The following TRAF7 variants were observed in gnomAD, a reference collection of about 807,000 sequenced individuals.
TRAF7 encodes the protein TNF receptor associated factor 7, also known as E3 ubiquitin-protein ligase TRAF7.
In TRAF7, 45 loss-of-function variants were observed where a neutral mutation model predicts 89.3. The observed-to-expected ratio is 0.50, with a 90% confidence interval of 0.40 to 0.65. The LOEUF is 0.65. TRAF7 is among the 30% of genes least tolerant of loss of function. TRAF7 has a pLI of 0.00. For missense variants in TRAF7, 677 were observed against 918.1 expected (o/e 0.74, Z 3.39); for synonymous variants, 406 against 369.2 (o/e 1.10, Z -1.14).
chr16:2,171,462 T>C (rs1293491382), intron 6 of TRAF7, 106 bp downstream of exon 6: 26 of 1,562,974 alleles, frequency 1.7e-5, no homozygotes, highest in South Asian at 2.3e-5. Context: ...TCAAGGCCTG[T>C]CCTGGCTGCA....
rs771393905 is a variant in TRAF7, at chr16:2,173,269, G to A, written c.882G>A (p.Thr294=). ...GCCTGAAGGAGTTTCTGCAGCAGAC[G>A]GATGACCGCTTCCACGAGATGCACG... ...FEGLKEFLQQ[T]DDRFHEMHVA... is the part of the protein sequence containing the mutation. The change falls in exon 10 of 21, where the codon ACG becomes ACA. Residue 294 remains threonine, a synonymous_variant. Transcript: ENST00000326181. 1.1e-5 allele frequency: 18 copies of A among 1,613,452 alleles called. No individual in the cohort carries two copies. Among genetic ancestry groups the A allele is most frequent in the East Asian group, 2.2e-5 (1 of 44,880 alleles).
At chr16:2,173,693 C>T in intron 11 of TRAF7, 95 bp from the exon 12 acceptor site, 2 of 1,579,248 alleles carry the variant, frequency 1.3e-6, no homozygotes, top group Non-Finnish European at 1.7e-6. Flanking sequence ...GTCACCCCTG[C>T]CCACCCCTGG....
rs377612283 is a variant in TRAF7 at position 2,172,185 on chromosome 16, T to C, written c.476-6T>C. ...CCGTGAGGGTCAGCACGCCCTCCTCTCCCAGAGAAGTGTCCCGTGGACAAC... is the reference window on the plus strand; with the variant it reads ...CCGTGAGGGTCAGCACGCCCTCCTCCCCCAGAGAAGTGTCCCGTGGACAAC... On this transcript the variant is annotated splice_region_variant and splice_polypyrimidine_tract_variant and intron_variant, in intron 7 of 20. Transcript: ENST00000326181. 6 of 1,612,784 alleles carry C rather than the reference T, an allele frequency of 3.7e-6. No individual in the cohort carries two copies. Among genetic ancestry groups the C allele is most frequent in the Non-Finnish European group, 5.1e-6 (6 of 1,179,926 alleles).
chr16:2,162,546 C>CCTGGGA lies in TRAF7; in HGVS notation c.-38-1327_-38-1322dup, dbSNP rs2093062070. ...GCAGAGACCAGCTCCGCCACTTTGG[C>CCTGGGA]CTGGGACTGGGACTGTCCTGCTCCT... On this transcript the variant is annotated intron_variant, in intron 1 of 20. Transcript: ENST00000326181. The surrounding 1 kb of genome is among the most constrained non-coding windows in gnomAD (Gnocchi z 5.0). Among the ~76,000 whole-genome samples the CCTGGGA allele has an allele frequency of 6.6e-6, 1 of 152,214 alleles. No individual in the cohort carries two copies. The highest frequency in any genetic ancestry group is 2.1e-4 in the South Asian group (1 of 4,834).
chr16:2,164,126 TGGGGG>T, intron 2 of TRAF7, 125 bp downstream of exon 2: 4 of 519,906 alleles, frequency 7.7e-6, no homozygotes, highest in Non-Finnish European at 1.2e-5. Context: ...GGGAGCTCGG[TGGGGG>T]GGGGTGTGGT....
chr16:2,170,745 C>T lies in TRAF7; in HGVS notation c.348+15C>T. The T allele has an allele frequency of 1.3e-6, 2 of 1,586,706 alleles. No homozygotes were observed. The highest frequency in any genetic ancestry group is 1.7e-6 in the Non-Finnish European group (2 of 1,166,694). On this transcript the variant is annotated intron_variant, in intron 5 of 20. Transcript: ENST00000326181. ...AGGAGGAGCCGGTAGGTGTGGGGGA[C>T]TCGGCGCAGAGCGGCTTCCAGGGCT...
Position 2,163,125 on chromosome 16 carries a change from G to T in TRAF7, c.-38-758G>T, listed in dbSNP as rs773612892. Among the ~76,000 whole-genome samples, 4 of 152,128 alleles carry T rather than the reference G, an allele frequency of 2.6e-5. No homozygotes were observed. The highest frequency in any genetic ancestry group is 5.9e-5 in the Non-Finnish European group (4 of 68,008). On this transcript the variant is annotated intron_variant, in intron 1 of 20. Transcript: ENST00000326181. This position sits in a 1 kb window ranked among gnomAD's most constrained non-coding sequence, Gnocchi z 4.3. ...CCAGCACTCCCAGCACCCACGGAGG[G>T]GCCACGTCTCCCCCAGGCCCACCAG...
In TRAF7 at chr16:2,159,849, G is replaced by A. The variant is rs1460828069; in HGVS notation, c.-39+3991G>A. Among the ~76,000 whole-genome samples, 2 of 152,246 alleles carry A rather than the reference G, an allele frequency of 1.3e-5. No individual in the cohort carries two copies. The highest frequency in any genetic ancestry group is 6.5e-5 in the Admixed American group (1 of 15,292). On this transcript the variant is annotated intron_variant, in intron 1 of 20. Transcript: ENST00000326181. This position sits in a 1 kb window ranked among gnomAD's most constrained non-coding sequence, Gnocchi z 6.5. The stretch of plus-strand genomic sequence containing the variant: ...AGGCCGGGCCTGGCCCGAGCAGGGA[G>A]CTGCATCTGGAAGCCCCCATCTCCC...
In TRAF7 at chr16:2,176,702, C is replaced by G; in HGVS notation, c.*128C>G. 1 of 1,381,112 alleles carries G rather than the reference C, an allele frequency of 7.2e-7. No individual in the cohort carries two copies. The allele number at this position is 1,381,112 out of a possible 1,614,324, so 85.6% of individuals were successfully genotyped here. ...GCATAGGTGGACAGGCTCTGGCAGC[C>G]GGGCAGTGCCCTCCCCGTCCCATGC... is the stretch of plus-strand genomic sequence containing the variant. On this transcript the variant is annotated 3_prime_UTR_variant, in exon 21 of 21. Coordinates refer to ENST00000326181, the MANE Select transcript of TRAF7 (RefSeq NM_032271.3).
At position 2,163,762 on chromosome 16, in the gene TRAF7, GA is replaced by G. The variant is rs1244047772; in HGVS notation, c.-38-119del. ...CCTGCCTGAGCCGGGGCTGGTGGTG[GA>G]AGGCTGCTGCGGCGGCCCCACGGTG... On this transcript the variant is annotated intron_variant, in intron 1 of 20. Coordinates refer to ENST00000326181, the MANE Select transcript of TRAF7 (RefSeq NM_032271.3). The surrounding 1 kb of genome is among the most constrained non-coding windows in gnomAD (Gnocchi z 4.3). 2.9e-6 allele frequency: 2 copies of G among 686,912 alleles called. No individual in the cohort carries two copies. Among genetic ancestry groups the G allele is most frequent in the Non-Finnish European group, 5.1e-6 (2 of 389,156 alleles). 42.6% of individuals were successfully genotyped at this position (686,912 alleles called of 1,614,324 possible). A position where few individuals can be genotyped will look rare whatever the true frequency, so the allele number is the denominator to read the frequency against.
At position 2,177,773 on chromosome 16, in the gene TRAF7, G is replaced by C. The variant is rs2093146102; in HGVS notation, c.*1199G>C. 1 of 245,192 alleles carries C rather than the reference G, an allele frequency of 4.1e-6. No individual in the cohort carries two copies. Among genetic ancestry groups the C allele is most frequent in the Non-Finnish European group, 8.0e-6 (1 of 124,424 alleles). 15.2% of individuals were successfully genotyped at this position (245,192 alleles called of 1,614,324 possible). A position where few individuals can be genotyped will look rare whatever the true frequency, so the allele number is the denominator to read the frequency against. On this transcript the variant is annotated 3_prime_UTR_variant, in exon 21 of 21. Transcript: ENST00000326181. ...CTGGGACGCAGCCACGCCAGGAGGA[G>C]GACACGGCCGCCGAGAGCAAGGCAC...
chr16:2,160,445 G>T (rs1342392788), intron 1 of TRAF7, among the ~76,000 whole-genome samples: 1 of 149,144 alleles, frequency 6.7e-6, no homozygotes, highest in Non-Finnish European at 1.5e-5. Flanking sequence ...GGCAGGTGGT[G>T]TGGACAGGCA....
chr16:2,177,428 T>C lies in TRAF7; in HGVS notation c.*854T>C, dbSNP rs374752828. ...TGGTTTTCGGCATTTTTTAAATTTT[T>C]TTTTTAAGAAACGTCAAAGTTGTGC... On this transcript the variant is annotated 3_prime_UTR_variant, in exon 21 of 21. Transcript: ENST00000326181. The C allele has an allele frequency of 8.6e-6, 2 of 233,002 alleles. No homozygotes were observed. The highest frequency in any genetic ancestry group is 1.2e-4 in the East Asian group (2 of 16,482). 14.4% of individuals were successfully genotyped at this position (233,002 alleles called of 1,614,324 possible). A position where few individuals can be genotyped will look rare whatever the true frequency, so the allele number is the denominator to read the frequency against.
intron 1 of TRAF7, among the ~76,000 whole-genome samples, chr16:2,156,250 G>A (rs1307110155): frequency 2.0e-5 from 3 of 152,144 alleles, no homozygotes; most frequent in Non-Finnish European, 2.9e-5. Flanking sequence ...ACGCGGCCCG[G>A]GTCGCTTTTT....
chr16:2,165,816 C>T, intron 2 of TRAF7, 63 bp from the exon 3 acceptor site: 2 of 1,595,968 alleles, frequency 1.3e-6, no homozygotes, highest in Non-Finnish European at 1.7e-6. Flanking sequence ...TGAGTGGGCT[C>T]CACATGTGCA....
Position 2,168,053 on chromosome 16 carries a change from G to C in TRAF7, c.140-24G>C, listed in dbSNP as rs1263269817. 1 of 1,607,352 alleles carries C rather than the reference G, an allele frequency of 6.2e-7. No individual in the cohort carries two copies. The highest frequency in any genetic ancestry group is 8.5e-7 in the Non-Finnish European group (1 of 1,178,840). ...CATCTGCTGAGGGAGCCCCCACTGA[G>C]ACGCCAGCCCTCTTGCCTTGCAGCT... On this transcript the variant is annotated intron_variant, in intron 3 of 20. Transcript: ENST00000326181. This position sits in a 1 kb window ranked among gnomAD's most constrained non-coding sequence, Gnocchi z 4.1.
chr16:2,156,007 G>A (rs943721941), intron 1 of TRAF7, 149 bp downstream of exon 1: 3 of 150,960 alleles, frequency 2.0e-5, no homozygotes, highest in African/African-American at 7.3e-5. Context: ...TGAGACGGTC[G>A]GGGTCGGGGT....
chr16:2,171,686 C>G, intron 7 of TRAF7, 81 bp downstream of exon 7: 1 of 1,600,458 alleles, frequency 6.2e-7, no homozygotes, highest in South Asian at 1.1e-5. Flanking sequence ...CTCCCTTGTC[C>G]CCTGCACAGC....
At chr16:2,175,237 C>G in intron 15 of TRAF7, 64 bp from the exon 16 acceptor site, 3 of 1,612,432 alleles carry the variant, frequency 1.9e-6, no homozygotes, top group Non-Finnish European at 2.5e-6. Context: ...TTCTCCCCGT[C>G]TGGGCTCCAG....
Sources: gnomAD v4.1 joint callset for allele counts (sites outside exome capture counted in the v4.1 genomes callset) on GRCh38, gnomAD v4.1.1 for gene constraint, Gnocchi (gnomAD v3.1) non-coding constraint, MANE v1.5 for transcripts, NCBI Gene and HGNC (gene_info 2026-07-23, HGNC 2026-07-21) for gene names.